Variants in TACC2 observed in about 807,000 individuals in gnomAD.
TACC2 encodes transforming acidic coiled-coil-containing protein 2.
Under a neutral mutation model 227.3 loss-of-function variants are expected in TACC2, and 137 were observed. The observed-to-expected ratio is 0.60, with a 90% CI of 0.52 to 0.69. The LOEUF (loss-of-function observed/expected upper bound fraction) is 0.69. TACC2 is among the 30% of genes least tolerant of loss of function. TACC2 has a pLI of 0.00. For synonymous variants in TACC2, 1,523 were observed against 1,487.5 expected (o/e 1.02, Z -0.55); for missense variants, 3,470 against 3,694.4 (o/e 0.94, Z 1.57).
intron 7 of TACC2, among the ~76,000 whole-genome samples, chr10:122,154,620 A>G (rs1269717876): frequency 2.0e-5 from 3 of 152,216 alleles, no homozygotes; most frequent in Non-Finnish European, 2.9e-5. Context: ...GTACACATCA[A>G]CTGCTGAAGA....
rs748744464 is a variant in TACC2, at chr10:122,254,029, A to G, written c.8820A>G (p.Glu2940=). ...EIEELTKICD[E]LIAKMGKS ...AAGAACTCACCAAGATTTGTGACGA[A>G]CTGATTGCCAAAATGGGGAAAAGCT... The change falls in exon 23 of 23, where the codon GAA becomes GAG. Residue 2940 remains glutamate (E), a synonymous_variant. Coordinates refer to ENST00000369005, the MANE Select transcript of TACC2 (RefSeq NM_206862.4). 1.5e-5 allele frequency: 25 copies of G among 1,614,076 alleles called. No homozygotes were observed. The highest frequency in any genetic ancestry group is 3.3e-4 in the Middle Eastern group (2 of 6,084).
chr10:122,043,337 G>A (rs1186550131), intron 2 of TACC2, among the ~76,000 whole-genome samples: 1 of 152,154 alleles, frequency 6.6e-6, no homozygotes, highest in Non-Finnish European at 1.5e-5. Context: ...ATGCTTCTGA[G>A]GAAGGGAAGG....
chr10:122,095,868 G>A (rs1341222491), intron 5 of TACC2, among the ~76,000 whole-genome samples: 1 of 152,202 alleles, frequency 6.6e-6, no homozygotes, highest in Admixed American at 6.5e-5. Context: ...GAACCAAATT[G>A]TTAATTTTGT....
At chr10:122,064,194 T>C (rs1398533074) in intron 3 of TACC2, among the ~76,000 whole-genome samples, 2 of 152,004 alleles carry the variant, frequency 1.3e-5, no homozygotes, top group African/African-American at 4.8e-5. Flanking sequence ...TGTGTGTATA[T>C]AATTTTTATA....
chr10:122,156,697 A>C (rs545382629), intron 7 of TACC2, among the ~76,000 whole-genome samples: 52 of 152,080 alleles, frequency 3.4e-4, no homozygotes, highest in Non-Finnish European at 5.1e-4. Context: ...GTAGGTTTTG[A>C]GCAATTCTCT....
At chr10:122,047,863 A>G (rs1365138135) in intron 2 of TACC2, among the ~76,000 whole-genome samples, 2 of 152,220 alleles carry the variant, frequency 1.3e-5, no homozygotes, top group Non-Finnish European at 2.9e-5. Flanking sequence ...TTCAGCTAAA[A>G]TGAAGGAAAA....
chr10:122,124,878 A>G (rs1226753947), intron 5 of TACC2, among the ~76,000 whole-genome samples: 1 of 152,036 alleles, frequency 6.6e-6, no homozygotes, highest in Non-Finnish European at 1.5e-5. Context: ...TATATCCATC[A>G]TTGCTACTTT....
chr10:122,041,043 A>T (rs2074193777), intron 2 of TACC2, among the ~76,000 whole-genome samples: 1 of 152,194 alleles, frequency 6.6e-6, no homozygotes. Flanking sequence ...CAATGTGGAC[A>T]TCTGAGGAAC....
rs1022578371 is a variant in TACC2, at chr10:122,089,385, T to C, written c.5573+794T>C. Among the ~76,000 whole-genome samples the C allele has an allele frequency of 5.3e-5, 8 of 152,216 alleles. No homozygotes were observed. The South Asian group carries it at 1.7e-3, about 31-fold the overall frequency. The stretch of plus-strand genomic sequence containing the variant: ...GCTGATTTAGTCTCCGAAGCAGGAA[T>C]GGCTCACCAACAGCGGTCACACTCC... On this transcript the variant is annotated intron_variant, in intron 5 of 22. Transcript: ENST00000369005.
intron 2 of TACC2, among the ~76,000 whole-genome samples, chr10:122,031,586 G>C (rs1385671884): frequency 1.3e-5 from 2 of 150,602 alleles, no homozygotes; most frequent in Non-Finnish European, 3.0e-5. Context: ...TGCATTTTTA[G>C]TAGAGATGGG....
At chr10:122,120,767 CTT>C (rs569295267) in intron 5 of TACC2, among the ~76,000 whole-genome samples, 1 of 147,540 alleles carries the variant, frequency 6.8e-6, no homozygotes, top group Admixed American at 6.8e-5. Flanking sequence ...TTCTTTCTTT[CTT>C]TTTTTTTTTG....
In TACC2 at chr10:122,087,244, C is replaced by T. The variant is rs765318801; in HGVS notation, c.4744C>T (p.His1582Tyr). ...AGCTGCTGCCTTCCAGGTGGCTCCC[C>T]ATAGCCATGGAGAAGAGGCCGTGGC... ...ERAAAFQVAP[H>Y]SHGEEAVAQD... Residue 1582 changes from histidine to tyrosine, a missense_variant, in exon 4 of 23, where the codon CAT (histidine) becomes TAT (tyrosine). Physicochemically the swap from His to Tyr is moderately conservative, Grantham distance 83. This residue lies in a region of TACC2 where 1,924 missense variants were observed against 1,978.3 expected (regional missense o/e 0.97). Transcript: ENST00000369005. 1.9e-6 allele frequency: 3 copies of T among 1,613,636 alleles called. No individual in the cohort carries two copies. Among genetic ancestry groups the T allele is most frequent in the South Asian group, 2.2e-5 (2 of 91,070 alleles).
chr10:122,214,070 C>T (rs1235095719), intron 9 of TACC2, among the ~76,000 whole-genome samples: 1 of 152,118 alleles, frequency 6.6e-6, no homozygotes, highest in African/African-American at 2.4e-5. Flanking sequence ...CTCCCATGGC[C>T]AGGAGGGATC....
rs1202497351 is a variant in TACC2 at position 122,240,520 on chromosome 10, A to G, written c.8349-1438A>G. Among the ~76,000 whole-genome samples the G allele has an allele frequency of 2.0e-5, 3 of 152,116 alleles. No homozygotes were observed. The East Asian group carries it at 5.8e-4, about 29-fold the overall frequency. On this transcript the variant is annotated intron_variant, in intron 18 of 22. Transcript: ENST00000369005. Reference sequence around the variant, plus strand: ...CCCTTTTACCCTTATTGAATTTCCCATACAGCCCTGAAAGGTGGGGTCTAG... The same window carrying G: ...CCCTTTTACCCTTATTGAATTTCCCGTACAGCCCTGAAAGGTGGGGTCTAG...
At chr10:122,030,422 G>A (rs867805771) in intron 2 of TACC2, among the ~76,000 whole-genome samples, 4 of 152,080 alleles carry the variant, frequency 2.6e-5, no homozygotes, top group Admixed American at 6.5e-5. Flanking sequence ...CAGTGATGTC[G>A]ACTTCTCTCA....
intron 7 of TACC2, among the ~76,000 whole-genome samples, chr10:122,154,850 G>C (rs530168307): frequency 2.8e-4 from 43 of 152,302 alleles, no homozygotes; most frequent in Non-Finnish European, 5.4e-4. Context: ...CGGACTTTAT[G>C]CTATCAATAG....
At chr10:122,160,540 G>GC (rs1363528670) in intron 7 of TACC2, among the ~76,000 whole-genome samples, 5 of 107,882 alleles carry the variant, frequency 4.6e-5, no homozygotes, top group Non-Finnish European at 8.2e-5. Context: ...TGTGTGTGTG[G>GC]GGGGGGTCTC....
chr10:122,037,338 C>CT (rs1336641098), intron 2 of TACC2, among the ~76,000 whole-genome samples: 5 of 152,220 alleles, frequency 3.3e-5, no homozygotes, highest in Admixed American at 6.5e-5. Context: ...ACCTGTGGTA[C>CT]AAAGCCATGG....
chr10:122,001,252 A>T (rs560232651), intron 1 of TACC2, among the ~76,000 whole-genome samples: 5 of 152,374 alleles, frequency 3.3e-5, no homozygotes, highest in African/African-American at 1.2e-4. Flanking sequence ...TAAAGGAAAG[A>T]GGTTTAATTG....
Sources: gnomAD v4.1 joint callset for allele counts (sites outside exome capture counted in the v4.1 genomes callset) on GRCh38, gnomAD v4.1.1 for gene constraint, gnomAD v4.1.1 regional missense constraint, MANE v1.5 for transcripts, NCBI Gene and HGNC (gene_info 2026-07-23, HGNC 2026-07-21) for gene names.